The following ATXN8OS variants were observed in gnomAD, a reference collection of about 807,000 sequenced individuals.
ATXN8OS encodes ATXN8 opposite strand lncRNA.
intron 3 of ATXN8OS, chr13:70,139,275 AT>A (rs1289991296): frequency 8.0e-6 from 4 of 497,182 alleles, no homozygotes; most frequent in Middle Eastern, 5.1e-4. Flanking sequence ...CCACGGAGAG[AT>A]TAACTCTGTT....
At chr13:70,116,096 C>T (rs1160678) in intron 2 of ATXN8OS, among the ~76,000 whole-genome samples, 108,853 of 151,496 alleles carry the variant, frequency 0.72, 39,411 homozygotes, top group South Asian at 0.85. Context: ...TATTCAAACA[C>T]ATTTTTTATT....
chr13:70,107,607 G>A, upstream of ATXN8OS: 1 of 1,592,630 alleles, frequency 6.3e-7, no homozygotes, highest in South Asian at 1.1e-5. Context: ...CCCCCGCCGG[G>A]CCGCCGGTGG....
intron 2 of ATXN8OS, among the ~76,000 whole-genome samples, chr13:70,127,784 T>C (rs1444661038): frequency 6.6e-6 from 1 of 151,990 alleles, no homozygotes; most frequent in Non-Finnish European, 1.5e-5. Flanking sequence ...TAATAAAAAT[T>C]AAGCAGTGCA....
At chr13:70,112,383 A>G (rs1004281798) in intron 1 of ATXN8OS, among the ~76,000 whole-genome samples, 1 of 152,202 alleles carries the variant, frequency 6.6e-6, no homozygotes, top group Non-Finnish European at 1.5e-5. Flanking sequence ...TAATGTATAC[A>G]TTAAATAAAA....
chr13:70,107,587 A>G, upstream of ATXN8OS: 1 of 1,602,804 alleles, frequency 6.2e-7, no homozygotes, highest in Non-Finnish European at 8.5e-7. Flanking sequence ...GTCCTGTTGC[A>G]GGCAGCCTCC....
intron 3 of ATXN8OS, among the ~76,000 whole-genome samples, chr13:70,135,693 C>T (rs565593267): frequency 6.6e-6 from 1 of 152,180 alleles, no homozygotes; most frequent in South Asian, 2.1e-4. Flanking sequence ...GTACAAATTT[C>T]ATGATAGGAA....
chr13:70,121,207 T>C (rs1187749155), intron 2 of ATXN8OS, among the ~76,000 whole-genome samples: 1 of 151,514 alleles, frequency 6.6e-6, no homozygotes, highest in African/African-American at 2.4e-5. Context: ...TACAAGGAAA[T>C]GATCAACATA....
chr13:70,129,847 G>A (rs1888503866), exon 3 of ATXN8OS: 1 of 398,486 alleles, frequency 2.5e-6, no homozygotes, highest in Non-Finnish European at 4.4e-6. Context: ...AAGTTGAAGT[G>A]TTGAGAAGAG....
intron 3 of ATXN8OS, among the ~76,000 whole-genome samples, chr13:70,135,257 G>A (rs1292301887): frequency 6.6e-6 from 1 of 152,058 alleles, no homozygotes; most frequent in African/African-American, 2.4e-5. Flanking sequence ...GGGCCCCTAT[G>A]TGACACGTCA....
chr13:70,139,044 C>G (rs1012318566), intron 3 of ATXN8OS, among the ~76,000 whole-genome samples: 2 of 152,034 alleles, frequency 1.3e-5, no homozygotes, highest in African/African-American at 4.8e-5. Flanking sequence ...TCTTAAATGT[C>G]AACACATTTA....
chr13:70,149,214 T>A (rs76130939), intron 4 of ATXN8OS, among the ~76,000 whole-genome samples: 1,882 of 152,268 alleles, frequency 0.012, 20 homozygotes, highest in Middle Eastern at 0.031. Flanking sequence ...CGACTCATGT[T>A]TAAGTGTTAG....
chr13:70,107,803 G>T, exon 1 of ATXN8OS: 1 of 838,520 alleles, frequency 1.2e-6, no homozygotes, highest in Admixed American at 3.1e-5. Flanking sequence ...GAGGCGGGAT[G>T]CGCCCTCTGC....
chr13:70,116,668 G>A (rs183450826), intron 2 of ATXN8OS, among the ~76,000 whole-genome samples: 2 of 152,246 alleles, frequency 1.3e-5, no homozygotes, highest in African/African-American at 2.4e-5. Context: ...TGGAGCATTG[G>A]AGTGATAGCA....
chr13:70,135,069 C>G (rs920458077), intron 3 of ATXN8OS, among the ~76,000 whole-genome samples: 11 of 152,176 alleles, frequency 7.2e-5, no homozygotes, highest in African/African-American at 2.4e-4. Flanking sequence ...GCCCAACAAT[C>G]ATAAACTTCA....
chr13:70,120,766 T>C (rs1887946404), intron 2 of ATXN8OS, among the ~76,000 whole-genome samples: 3 of 152,088 alleles, frequency 2.0e-5, no homozygotes, highest in South Asian at 2.1e-4. Flanking sequence ...TTCATGTCCT[T>C]TGTAGGGACA....
intron 1 of ATXN8OS, chr13:70,115,109 T>C (rs1221148108): frequency 2.5e-6 from 1 of 397,620 alleles, no homozygotes; most frequent in Admixed American, 4.4e-5. Context: ...TACTGGGTAA[T>C]TTATAAATAA....
intron 4 of ATXN8OS, among the ~76,000 whole-genome samples, chr13:70,163,426 C>A (rs1357811415): frequency 2.0e-5 from 3 of 152,036 alleles, no homozygotes; most frequent in Non-Finnish European, 4.4e-5. Flanking sequence ...ATGAGACTGT[C>A]ACCATGTCAT....
chr13:70,162,812 T>C (rs1889026403), intron 4 of ATXN8OS, among the ~76,000 whole-genome samples: 1 of 152,140 alleles, frequency 6.6e-6, no homozygotes, highest in South Asian at 2.1e-4. Context: ...TTCTCTTCCA[T>C]GAATCTTTGA....
chr13:70,132,307 A>AT lies in ATXN8OS; in HGVS notation n.499+2439dup, dbSNP rs11301182. Among the ~76,000 whole-genome samples the AT allele has an allele frequency of 6.2e-4, 88 of 142,330 alleles. 1 individual carries two copies. Among genetic ancestry groups the AT allele is most frequent in the South Asian group, 2.2e-3 (10 of 4,468 alleles). The allele number at this position is 142,330 out of a possible 152,430, so 93.4% of individuals were successfully genotyped here. On this transcript the variant is annotated intron_variant and non_coding_transcript_variant, in intron 3 of 4. Coordinates refer to ENST00000678624, the Ensembl canonical transcript of ATXN8OS. Reference sequence around the variant, plus strand: ...ACAGCCATAAAAAAACAAAATTATGATTTTTTTTTTTTTTTTGGCAGCAAC... The same window carrying AT: ...ACAGCCATAAAAAAACAAAATTATGATTTTTTTTTTTTTTTTTGGCAGCAAC...
Sources: gnomAD v4.1 joint callset for allele counts (sites outside exome capture counted in the v4.1 genomes callset) on GRCh38, gnomAD v4.1.1 for gene constraint, MANE v1.5 for transcripts, NCBI Gene and HGNC (gene_info 2026-07-23, HGNC 2026-07-21) for gene names.